The following MKLN1 variants were observed in gnomAD, a reference collection of about 807,000 sequenced individuals.
MKLN1 encodes muskelin 1.
In MKLN1, 18 loss-of-function variants were observed where a neutral mutation model predicts 99.0. The ratio of observed to expected loss-of-function variants is 0.18; its 90% CI spans 0.13 to 0.27. The LOEUF (loss-of-function observed/expected upper bound fraction) is 0.27. MKLN1 is among the 10% of genes least tolerant of loss of function. The pLI is 1.00. For synonymous variants in MKLN1, 288 were observed against 293.2 expected (o/e 0.98, Z 0.18); for missense variants, 621 against 875.9 (o/e 0.71, Z 3.67).
At chr7:131,262,647 T>G (rs1050452657) in intron 3 of MKLN1, among the ~76,000 whole-genome samples, 4 of 151,514 alleles carry the variant, frequency 2.6e-5, no homozygotes, top group Admixed American at 6.6e-5. Context: ...ACCTCCTGGG[T>G]TCAAGCGATT....
intron 10 of MKLN1, among the ~76,000 whole-genome samples, chr7:131,440,997 A>G (rs978379929): frequency 6.6e-6 from 1 of 152,224 alleles, no homozygotes; most frequent in Non-Finnish European, 1.5e-5. Context: ...ATTTCTCTAC[A>G]TCTACTTTCA....
At chr7:131,246,971 C>T (rs1797498752) in intron 3 of MKLN1, among the ~76,000 whole-genome samples, 1 of 152,136 alleles carries the variant, frequency 6.6e-6, no homozygotes, top group African/African-American at 2.4e-5. Context: ...TGTGGTAGTA[C>T]TGTACAGATG....
chr7:131,186,566 AC>A (rs2116371770), intron 2 of MKLN1, among the ~76,000 whole-genome samples: 1 of 152,246 alleles, frequency 6.6e-6, no homozygotes, highest in Non-Finnish European at 1.5e-5. Flanking sequence ...AGAGGTAAAA[AC>A]AAATAACATG....
At chr7:131,353,427 C>T (rs1799777814) in intron 1 of MKLN1, among the ~76,000 whole-genome samples, 1 of 151,862 alleles carries the variant, frequency 6.6e-6, no homozygotes. Context: ...TACCTATTTT[C>T]TGATTGGATT....
intron 3 of MKLN1, among the ~76,000 whole-genome samples, chr7:131,260,749 T>C (rs1442792284): frequency 6.6e-6 from 1 of 151,774 alleles, no homozygotes; most frequent in Non-Finnish European, 1.5e-5. Flanking sequence ...TGAAACAGAA[T>C]AGAGAGGGCT....
At chr7:131,115,342 G>C (rs1795258199) in intron 1 of MKLN1, among the ~76,000 whole-genome samples, 1 of 152,158 alleles carries the variant, frequency 6.6e-6, no homozygotes, top group Non-Finnish European at 1.5e-5. Flanking sequence ...ACAATCCTCA[G>C]AATTCAGGTC....
At chr7:131,361,309 T>C (rs1406960232) in intron 1 of MKLN1, among the ~76,000 whole-genome samples, 1 of 151,888 alleles carries the variant, frequency 6.6e-6, no homozygotes, top group African/African-American at 2.4e-5. Flanking sequence ...TTTTTGGATA[T>C]TGTTTCTTTT....
chr7:131,136,499 C>T (rs898943460), intron 1 of MKLN1, among the ~76,000 whole-genome samples: 1 of 152,090 alleles, frequency 6.6e-6, no homozygotes, highest in Non-Finnish European at 1.5e-5. Context: ...TAGACCAGAC[C>T]CAGACTTTGA....
intron 2 of MKLN1, among the ~76,000 whole-genome samples, chr7:131,158,049 T>C (rs931023559): frequency 6.6e-6 from 1 of 152,226 alleles, no homozygotes; most frequent in Non-Finnish European, 1.5e-5. Flanking sequence ...CCGCAAGCTC[T>C]TCTGTTTACT....
chr7:131,334,357 T>TTAAGGAC (rs1799189624), intron 1 of MKLN1, among the ~76,000 whole-genome samples: 1 of 152,196 alleles, frequency 6.6e-6, no homozygotes, highest in East Asian at 1.9e-4. Context: ...TTGGGAACCT[T>TTAAGGAC]ACTGGCCACT....
At chr7:131,240,231 G>A (rs551167679) in intron 3 of MKLN1, among the ~76,000 whole-genome samples, 22 of 152,014 alleles carry the variant, frequency 1.4e-4, no homozygotes, top group Admixed American at 1.0e-3. Context: ...GTTCCCCCCC[G>A]CCAGGGACCT....
chr7:131,359,739 T>A (rs1799974270), intron 1 of MKLN1, among the ~76,000 whole-genome samples: 1 of 151,984 alleles, frequency 6.6e-6, no homozygotes, highest in African/African-American at 2.4e-5. Context: ...TTTTATTTTT[T>A]TTTTTATTTT....
chr7:131,115,996 T>C lies in MKLN1; in HGVS notation c.-419+5789T>C, dbSNP rs116843459. Among the ~76,000 whole-genome samples, 16 of 152,280 alleles carry C rather than the reference T, an allele frequency of 1.1e-4. No individual in the cohort carries two copies. The East Asian group carries it at 3.1e-3, about 29-fold the overall frequency. Reference sequence around the variant, plus strand: ...AAACCTTGTGAAGATTACTGGCATATATCAGGCACTTAAAAAATATTAATT... The same window carrying C: ...AAACCTTGTGAAGATTACTGGCATACATCAGGCACTTAAAAAATATTAATT... On this transcript the variant is annotated intron_variant, in intron 1 of 7. Coordinates refer to the MKLN1 transcript ENST00000416992.
intron 4 of MKLN1, 95 bp from the exon 5 acceptor site, chr7:131,397,172 A>G (rs1212365353): frequency 1.3e-6 from 1 of 789,776 alleles, no homozygotes; most frequent in Non-Finnish European, 2.0e-6. Flanking sequence ...CGTTGAATGA[A>G]TCCTTATAAG....
At chr7:131,335,049 G>T (rs1311886984) in intron 1 of MKLN1, among the ~76,000 whole-genome samples, 1 of 152,078 alleles carries the variant, frequency 6.6e-6, no homozygotes, top group African/African-American at 2.4e-5. Context: ...GTGAATGGCT[G>T]GTTCTGTAGA....
intron 2 of MKLN1, among the ~76,000 whole-genome samples, chr7:131,161,933 A>T (rs1290773510): frequency 1.4e-5 from 2 of 142,656 alleles, no homozygotes; most frequent in African/African-American, 2.6e-5. Context: ...ATATATACAT[A>T]TATACACATA....
intron 1 of MKLN1, among the ~76,000 whole-genome samples, chr7:131,351,267 A>G (rs918852681): frequency 6.6e-6 from 1 of 152,006 alleles, no homozygotes; most frequent in Non-Finnish European, 1.5e-5. Context: ...AACAAAAAGA[A>G]GAAGAAGAGT....
intron 4 of MKLN1, among the ~76,000 whole-genome samples, chr7:131,389,600 A>G (rs1239976535): frequency 6.6e-6 from 1 of 152,096 alleles, no homozygotes; most frequent in African/African-American, 2.4e-5. Flanking sequence ...GAAAGTATTT[A>G]TAATGCATCC....
chr7:131,347,192 G>GA (rs1422805530), intron 1 of MKLN1, among the ~76,000 whole-genome samples: 2 of 152,048 alleles, frequency 1.3e-5, no homozygotes, highest in Non-Finnish European at 2.9e-5. Context: ...GAAACGAAAG[G>GA]AAAAAATAGA....
Sources: gnomAD v4.1 joint callset for allele counts (sites outside exome capture counted in the v4.1 genomes callset) on GRCh38, gnomAD v4.1.1 for gene constraint, MANE v1.5 for transcripts, NCBI Gene and HGNC (gene_info 2026-07-23, HGNC 2026-07-21) for gene names.